The following PCSK5 variants were observed in gnomAD, a reference collection of about 807,000 sequenced individuals.
PCSK5 encodes the protein proprotein convertase subtilisin/kexin type 5, also known as prohormone convertase 5.
In PCSK5, 129 loss-of-function variants were observed where a neutral mutation model predicts 233.2. That is an observed-to-expected ratio of 0.55 (90% CI 0.48 to 0.64). The LOEUF is 0.64. Ranked by LOEUF, PCSK5 falls within the 30% of genes least tolerant of loss-of-function variation. PCSK5 has a pLI of 0.00. For missense variants in PCSK5, 2,076 were observed against 2,430.1 expected (o/e 0.85, Z 3.06); for synonymous variants, 825 against 879.2 (o/e 0.94, Z 1.09).
intron 20 of PCSK5, among the ~76,000 whole-genome samples, chr9:76,203,441 G>A (rs1011462096): frequency 1.3e-5 from 2 of 151,662 alleles, no homozygotes; most frequent in Non-Finnish European, 2.9e-5. Flanking sequence ...GTCCAGATGG[G>A]CCCAAGGTAG....
intron 24 of PCSK5, among the ~76,000 whole-genome samples, chr9:76,258,387 G>A (rs1020226089): frequency 8.5e-5 from 13 of 152,202 alleles, no homozygotes; most frequent in Non-Finnish European, 1.8e-4. Flanking sequence ...GTTTGGAGGT[G>A]AGTCTTGAGA....
At chr9:76,102,906 G>A (rs2131670162) in intron 8 of PCSK5, among the ~76,000 whole-genome samples, 1 of 152,298 alleles carries the variant, frequency 6.6e-6, no homozygotes, top group East Asian at 1.9e-4. Context: ...TTGGTACATG[G>A]AACTGAGCTG....
chr9:76,215,455 C>T (rs980404539), intron 20 of PCSK5, among the ~76,000 whole-genome samples: 1 of 151,116 alleles, frequency 6.6e-6, no homozygotes, highest in Non-Finnish European at 1.5e-5. Flanking sequence ...CTGGGCTAGG[C>T]TTTGAAGGCC....
intron 30 of PCSK5, among the ~76,000 whole-genome samples, chr9:76,315,390 G>A (rs1231988033): frequency 6.6e-6 from 1 of 152,186 alleles, no homozygotes; most frequent in African/African-American, 2.4e-5. Context: ...CTGTCTTGGT[G>A]TCTGTGAAAT....
chr9:76,336,117 AC>A lies in PCSK5; in HGVS notation c.4749-2112del, dbSNP rs767196605. Among the ~76,000 whole-genome samples, 5 of 152,294 alleles carry A rather than the reference AC, an allele frequency of 3.3e-5. No homozygotes were observed. In the South Asian group the frequency reaches 1.0e-3, roughly 32 times the overall value. ...CTTGTCTCTTAGATACCTCAGTCTTACAGATTGACACATAGTAGTCATTGTT... is the reference window on the plus strand; with the variant it reads ...CTTGTCTCTTAGATACCTCAGTCTTAAGATTGACACATAGTAGTCATTGTT... On this transcript the variant is annotated intron_variant, in intron 34 of 37. Coordinates refer to ENST00000674117, the MANE Select transcript of PCSK5 (RefSeq NM_001372043.1).
At chr9:76,140,194 G>A (rs1823151873) in intron 10 of PCSK5, among the ~76,000 whole-genome samples, 1 of 152,042 alleles carries the variant, frequency 6.6e-6, no homozygotes, top group African/African-American at 2.4e-5. Context: ...TTAAAATGAT[G>A]GTTGCACTAT....
intron 1 of PCSK5, among the ~76,000 whole-genome samples, chr9:75,911,751 A>C (rs1215982862): frequency 6.6e-6 from 1 of 151,778 alleles, no homozygotes; most frequent in Non-Finnish European, 1.5e-5. Flanking sequence ...GTGGTGGGGG[A>C]CCTGGCCATT....
At chr9:76,178,763 C>A (rs967664804) in intron 14 of PCSK5, among the ~76,000 whole-genome samples, 1 of 152,094 alleles carries the variant, frequency 6.6e-6, no homozygotes, top group Non-Finnish European at 1.5e-5. Flanking sequence ...GATTATGAGA[C>A]CAAATGTTCC....
chr9:76,040,967 C>G (rs1829092919), intron 5 of PCSK5, among the ~76,000 whole-genome samples: 1 of 152,004 alleles, frequency 6.6e-6, no homozygotes, highest in Admixed American at 6.5e-5. Context: ...TAAAACAAAC[C>G]ACTAGGCAGG....
intron 20 of PCSK5, among the ~76,000 whole-genome samples, chr9:76,191,864 G>C (rs541507300): frequency 2.0e-3 from 298 of 152,094 alleles, no homozygotes; most frequent in Non-Finnish European, 3.6e-3. Context: ...AGAAAATTGA[G>C]GAAGATGAAA....
intron 35 of PCSK5, among the ~76,000 whole-genome samples, chr9:76,339,877 T>A (rs1829782131): frequency 6.6e-6 from 1 of 152,110 alleles, no homozygotes; most frequent in African/African-American, 2.4e-5. Context: ...GCTATTAAGA[T>A]TTTCCCAGCA....
chr9:75,951,883 C>T (rs886973635), intron 2 of PCSK5, among the ~76,000 whole-genome samples: 2 of 152,110 alleles, frequency 1.3e-5, no homozygotes, highest in South Asian at 2.1e-4. Context: ...ACTCCTCCAT[C>T]GCAGTTGTGG....
chr9:75,942,838 A>C lies in PCSK5; in HGVS notation c.297+10355A>C, dbSNP rs184220352. Among the ~76,000 whole-genome samples the C allele has an allele frequency of 3.5e-3, 537 of 151,846 alleles. 3 individuals carry two copies. The highest frequency in any genetic ancestry group is 0.017 in the Middle Eastern group (5 of 294). ...ACTTGAAGGAAAGATACTAACTATAAAATCTTTACTTTTTCTAGTTGTTGT... is the reference window on the plus strand; with the variant it reads ...ACTTGAAGGAAAGATACTAACTATACAATCTTTACTTTTTCTAGTTGTTGT... On this transcript the variant is annotated intron_variant, in intron 2 of 37. Transcript: ENST00000674117.
chr9:76,288,438 C>G (rs964422755), intron 24 of PCSK5, among the ~76,000 whole-genome samples: 2 of 152,192 alleles, frequency 1.3e-5, no homozygotes, highest in African/African-American at 4.8e-5. Context: ...AACCTGGAAG[C>G]TGGAAGTCCA....
chr9:76,077,915 A>G (rs979572761), intron 7 of PCSK5, among the ~76,000 whole-genome samples: 1 of 152,246 alleles, frequency 6.6e-6, no homozygotes, highest in Admixed American at 6.5e-5. Context: ...GCTTTTGGAT[A>G]CATACCCAGT....
intron 20 of PCSK5, chr9:76,193,211 T>A (rs772070471): frequency 6.2e-7 from 1 of 1,609,532 alleles, no homozygotes; most frequent in East Asian, 2.2e-5. Flanking sequence ...TCAACTCCCC[T>A]TCTCTCTTGC....
At chr9:76,131,136 G>T (rs1330261278) in intron 9 of PCSK5, among the ~76,000 whole-genome samples, 1 of 152,046 alleles carries the variant, frequency 6.6e-6, no homozygotes, top group Non-Finnish European at 1.5e-5. Flanking sequence ...TTTTATAAAT[G>T]GTTTATGAGA....
In PCSK5 at chr9:76,361,009, A is replaced by G. The variant is rs1830423119; in HGVS notation, c.*2087A>G. On this transcript the variant is annotated 3_prime_UTR_variant, in exon 38 of 38. Transcript: ENST00000674117. ...TTAAAACAGTTTTCAGAGATCATACATGTACATGTATGATATGCCTCCAAA... is the reference window on the plus strand; with the variant it reads ...TTAAAACAGTTTTCAGAGATCATACGTGTACATGTATGATATGCCTCCAAA... 1 of 152,134 alleles carries G rather than the reference A, an allele frequency of 6.6e-6. No homozygotes were observed. Among genetic ancestry groups the G allele is most frequent in the Non-Finnish European group, 1.5e-5 (1 of 68,016 alleles). The allele number at this position is 152,134 out of a possible 1,614,324, so 9.4% of individuals were successfully genotyped here. A position where few individuals can be genotyped will look rare whatever the true frequency, so the allele number is the denominator to read the frequency against.
At chr9:76,186,513 T>C (rs1337134016) in intron 17 of PCSK5, among the ~76,000 whole-genome samples, 1 of 152,194 alleles carries the variant, frequency 6.6e-6, no homozygotes. Flanking sequence ...GGCCAGTTTA[T>C]CACAGAGAGA....
Sources: allele counts gnomAD v4.1 joint callset (sites outside exome capture counted in the v4.1 genomes callset), GRCh38; gene constraint gnomAD v4.1.1; transcripts MANE v1.5; gene names NCBI Gene and HGNC (gene_info 2026-07-23, HGNC 2026-07-21).